CDK14: variants seen among roughly 807,000 people sequenced by gnomAD.
CDK14 encodes the protein cyclin-dependent kinase 14.
A neutral mutation model predicts 60.7 loss-of-function variants in CDK14; 34 were observed. That is an observed-to-expected ratio of 0.56 (90% CI 0.43 to 0.75). The LOEUF is 0.75. Among genes scored for constraint, CDK14 ranks in the 30% least tolerant of loss-of-function variants. The probability of loss-of-function intolerance (pLI) is 0.00; values close to 1 mark genes in which losing one functional copy is unlikely to be tolerated. For synonymous variants in CDK14, 197 were observed against 203.7 expected (o/e 0.97, Z 0.28); for missense variants, 482 against 564.1 (o/e 0.85, Z 1.47).
At chr7:90,925,380 G>A (rs1554378965) in intron 8 of CDK14, among the ~76,000 whole-genome samples, 1 of 152,160 alleles carries the variant, frequency 6.6e-6, no homozygotes, top group Non-Finnish European at 1.5e-5. Flanking sequence ...CAGTGAGTTG[G>A]CTAAATTAAG....
intron 14 of CDK14, among the ~76,000 whole-genome samples, chr7:91,143,757 G>A (rs560175608): frequency 1.3e-5 from 2 of 152,184 alleles, no homozygotes; most frequent in South Asian, 4.2e-4. Flanking sequence ...CACTTAATGA[G>A]TGCTTACTGC....
chr7:91,132,406 C>T (rs148177797), intron 14 of CDK14, among the ~76,000 whole-genome samples: 24 of 152,156 alleles, frequency 1.6e-4, no homozygotes, highest in Admixed American at 3.9e-4. Context: ...TGAGAAGACA[C>T]GCGCAGAGAA....
intron 2 of CDK14, among the ~76,000 whole-genome samples, chr7:90,687,366 C>T (rs961942961): frequency 6.6e-6 from 1 of 152,036 alleles, no homozygotes; most frequent in Non-Finnish European, 1.5e-5. Context: ...AGAAGCAGGT[C>T]TGAACTTCTG....
chr7:91,081,379 C>G (rs924618342), intron 12 of CDK14, among the ~76,000 whole-genome samples: 1 of 152,128 alleles, frequency 6.6e-6, no homozygotes, highest in Non-Finnish European at 1.5e-5. Flanking sequence ...GTCTATAGCA[C>G]AATTACTAAA....
At chr7:90,796,036 A>G (rs544497955) in intron 5 of CDK14, among the ~76,000 whole-genome samples, 34 of 152,320 alleles carry the variant, frequency 2.2e-4, no homozygotes, top group Admixed American at 9.8e-4. Flanking sequence ...GGAAACACAG[A>G]GAAGCGGGGA....
intron 12 of CDK14, among the ~76,000 whole-genome samples, chr7:91,087,130 C>T (rs1407110917): frequency 6.6e-6 from 1 of 152,202 alleles, no homozygotes; most frequent in Non-Finnish European, 1.5e-5. Flanking sequence ...CTAGTATCCA[C>T]TGTTACCCAT....
chr7:91,125,331 A>G (rs1454614802), intron 14 of CDK14, among the ~76,000 whole-genome samples: 1 of 152,210 alleles, frequency 6.6e-6, no homozygotes, highest in East Asian at 1.9e-4. Flanking sequence ...AATGTAATGA[A>G]AATTGCAACC....
At chr7:90,987,985 A>T (rs949092201) in intron 10 of CDK14, among the ~76,000 whole-genome samples, 1 of 152,176 alleles carries the variant, frequency 6.6e-6, no homozygotes, top group African/African-American at 2.4e-5. Context: ...TGAACTGTAC[A>T]TAGAAAGGTA....
At chr7:91,021,008 G>A (rs147751527) in intron 10 of CDK14, among the ~76,000 whole-genome samples, 1 of 152,110 alleles carries the variant, frequency 6.6e-6, no homozygotes, top group East Asian at 1.9e-4. Flanking sequence ...TGGAAGTGCC[G>A]TAGTTTCTTG....
chr7:90,830,024 G>T (rs1304157434), intron 5 of CDK14, among the ~76,000 whole-genome samples: 6 of 152,194 alleles, frequency 3.9e-5, no homozygotes, highest in Admixed American at 6.5e-5. Flanking sequence ...TTTGGTGCAA[G>T]CTGTTGGTGG....
At position 90,626,552 on chromosome 7, in the gene CDK14, A is replaced by G. The variant is rs563194505; in HGVS notation, c.123+22303A>G. ...TATAATCTAAACTGAAGATTGATGC[A>G]TGTATAATTCTAATGAGCTTCTCGA... On this transcript the variant is annotated intron_variant, in intron 2 of 14. Coordinates refer to ENST00000380050, the MANE Select transcript of CDK14 (RefSeq NM_001287135.2). 6.6e-5 allele frequency among the ~76,000 whole-genome samples: 10 copies of G among 152,322 alleles called. No individual in the cohort carries two copies. The East Asian group carries it at 1.3e-3, about 21-fold the overall frequency.
At chr7:91,171,626 A>G (rs566785679) in intron 14 of CDK14, among the ~76,000 whole-genome samples, 1 of 152,090 alleles carries the variant, frequency 6.6e-6, no homozygotes, top group East Asian at 1.9e-4. Context: ...TTTCTAATGG[A>G]TGGTTTATTT....
intron 2 of CDK14, among the ~76,000 whole-genome samples, chr7:90,643,669 T>G (rs1263187285): frequency 6.6e-6 from 1 of 152,170 alleles, no homozygotes; most frequent in East Asian, 1.9e-4. Flanking sequence ...GACGTTAACT[T>G]GATGGCTGAG....
chr7:91,019,833 A>AT (rs1489047567), intron 10 of CDK14, among the ~76,000 whole-genome samples: 1 of 152,184 alleles, frequency 6.6e-6, no homozygotes, highest in East Asian at 1.9e-4. Flanking sequence ...TACCATGCTA[A>AT]TAAGGCCTCT....
chr7:90,621,906 A>G (rs1033399275), intron 2 of CDK14, among the ~76,000 whole-genome samples: 6 of 152,344 alleles, frequency 3.9e-5, no homozygotes, highest in South Asian at 2.1e-4. Flanking sequence ...AGTGGAGGTG[A>G]CCCAGACACG....
intron 2 of CDK14, among the ~76,000 whole-genome samples, chr7:90,605,771 A>G (rs1217483891): frequency 6.6e-6 from 1 of 152,194 alleles, no homozygotes; most frequent in African/African-American, 2.4e-5. Flanking sequence ...GCCCATTATT[A>G]TATCCCGCTT....
intron 2 of CDK14, among the ~76,000 whole-genome samples, chr7:90,677,472 T>G (rs1801226201): frequency 6.6e-6 from 1 of 152,226 alleles, no homozygotes; most frequent in African/African-American, 2.4e-5. Flanking sequence ...TCGGCTTATT[T>G]TAAGAAAATA....
rs1350465482 is a variant in CDK14, at chr7:91,079,465, G to A, written c.1139G>A (p.Arg380Lys). The stretch of plus-strand genomic sequence containing the variant: ...ACCCTGTACAGCTCTAAAAACCTTA[G>A]ACAAGCATGGAATAAGTAAGTCTTT... ...RFTLYSSKNLRQAWNKLSYVN... is the reference protein window; with the variant it reads ...RFTLYSSKNLKQAWNKLSYVN... Residue 380 changes from arginine (R) to lysine (K), a missense_variant, in exon 12 of 15, where the codon AGA becomes AAA. Coordinates refer to ENST00000380050, the MANE Select transcript of CDK14 (RefSeq NM_001287135.2). 6.2e-7 allele frequency: 1 copy of A among 1,601,606 alleles called. No individual in the cohort carries two copies. Among genetic ancestry groups the A allele is most frequent in the African/African-American group, 1.3e-5 (1 of 74,502 alleles).
intron 5 of CDK14, among the ~76,000 whole-genome samples, chr7:90,813,376 A>T (rs930924856): frequency 5.3e-5 from 8 of 152,218 alleles, no homozygotes; most frequent in Non-Finnish European, 8.8e-5. Flanking sequence ...TAATTTACTG[A>T]AAACTATTGA....
Sources: allele counts gnomAD v4.1 joint callset (sites outside exome capture counted in the v4.1 genomes callset), GRCh38; gene constraint gnomAD v4.1.1; transcripts MANE v1.5; gene names NCBI Gene and HGNC (gene_info 2026-07-23, HGNC 2026-07-21).